FHL2: variants seen among roughly 807,000 people sequenced by gnomAD.
FHL2 encodes the protein four and a half LIM domains 2.
A neutral mutation model predicts 32.7 loss-of-function variants in FHL2; 20 were observed. That is an observed-to-expected ratio of 0.61 (90% CI 0.43 to 0.89). FHL2 has a LOEUF of 0.89. Ranked by LOEUF, FHL2 falls within the 40% of genes least tolerant of loss-of-function variation. The pLI, the probability that FHL2 is intolerant of heterozygous loss-of-function variation, is 0.00. For missense variants in FHL2, 311 were observed against 358.6 expected (o/e 0.87, Z 1.07); for synonymous variants, 123 against 128.1 (o/e 0.96, Z 0.27).
At chr2:105,399,753 A>G, upstream of FHL2, 1 of 865,002 alleles carries the variant, frequency 1.2e-6, no homozygotes, top group Non-Finnish European at 1.7e-6. Flanking sequence ...ACTGTTCAGC[A>G]TTGTCGCAGG....
chr2:105,421,209 G>A (rs1227113361), intron 1 of FHL2, among the ~76,000 whole-genome samples: 1 of 152,236 alleles, frequency 6.6e-6, no homozygotes, highest in Non-Finnish European at 1.5e-5. Context: ...TCTCTGGCTT[G>A]TAAGGACAGC....
intron 4 of FHL2, among the ~76,000 whole-genome samples, chr2:105,370,444 G>A (rs1320054369): frequency 6.6e-6 from 1 of 152,110 alleles, no homozygotes; most frequent in Non-Finnish European, 1.5e-5. Context: ...CGCTACTTGA[G>A]TCTGCTCAGA....
At chr2:105,435,407 CG>C (rs1431451804) in intron 1 of FHL2, among the ~76,000 whole-genome samples, 1 of 152,084 alleles carries the variant, frequency 6.6e-6, no homozygotes, top group African/African-American at 2.4e-5. Flanking sequence ...TGTGTTCATA[CG>C]AAACCGTGAA....
intron 2 of FHL2, among the ~76,000 whole-genome samples, chr2:105,396,187 G>C (rs1683118168): frequency 6.6e-6 from 1 of 152,164 alleles, no homozygotes; most frequent in African/African-American, 2.4e-5. Context: ...CAATGATTTA[G>C]CTCACACAAT....
chr2:105,376,414 A>G (rs2104546028), intron 3 of FHL2: 1 of 152,342 alleles, frequency 6.6e-6, no homozygotes, highest in Middle Eastern at 3.4e-3. Flanking sequence ...CATATTTTGT[A>G]CCTAAATGAA....
At chr2:105,361,569 G>C (rs1313764583) in intron 6 of FHL2, 135 bp from the exon 7 acceptor site, 2 of 703,984 alleles carry the variant, frequency 2.8e-6, no homozygotes, top group African/African-American at 3.6e-5. Context: ...CTAGTGACTG[G>C]GTGTTGGGAA....
chr2:105,426,394 CA>C (rs1280026435), intron 1 of FHL2, among the ~76,000 whole-genome samples: 1 of 152,146 alleles, frequency 6.6e-6, no homozygotes, highest in Non-Finnish European at 1.5e-5. Context: ...CAAAAGTAAC[CA>C]AAAGCAGAAT....
At chr2:105,433,474 G>A (rs773882580) in intron 1 of FHL2, among the ~76,000 whole-genome samples, 3 of 152,264 alleles carry the variant, frequency 2.0e-5, no homozygotes, top group African/African-American at 7.2e-5. Flanking sequence ...GAGCCACCGC[G>A]CCCGGCTTCA....
chr2:105,423,545 A>G (rs984140296), intron 1 of FHL2, among the ~76,000 whole-genome samples: 4 of 152,228 alleles, frequency 2.6e-5, no homozygotes, highest in Non-Finnish European at 5.9e-5. Flanking sequence ...ATATTTCTGT[A>G]GCAGGAAGAA....
rs115042467 is a variant in FHL2 at position 105,407,799 on chromosome 2, G to A, written c.-24-21259C>T. Reference sequence around the variant, plus strand: ...CTTCTCCTGCCCCAATCCTCCCCCCGCTGCCACCACCACCACCAGCCTAGG... The same window carrying A: ...CTTCTCCTGCCCCAATCCTCCCCCCACTGCCACCACCACCACCAGCCTAGG... On this transcript the variant is annotated intron_variant, in intron 1 of 5. Coordinates refer to the FHL2 transcript ENST00000393352. Among the ~76,000 whole-genome samples, 6 of 152,070 alleles carry A rather than the reference G, an allele frequency of 3.9e-5. No individual in the cohort carries two copies. In the South Asian group the frequency reaches 1.0e-3, roughly 26 times the overall value.
intron 4 of FHL2, among the ~76,000 whole-genome samples, chr2:105,371,277 C>T (rs1681042021): frequency 6.6e-6 from 1 of 152,092 alleles, no homozygotes; most frequent in Admixed American, 6.5e-5. Context: ...GCTTCGAGTG[C>T]AGCACGTTAC....
intron 5 of FHL2, 90 bp downstream of exon 5, chr2:105,367,480 A>G: frequency 7.6e-7 from 1 of 1,319,162 alleles, no homozygotes; most frequent in South Asian, 1.4e-5. Flanking sequence ...TATCACAGGT[A>G]TCCTTGGTTT....
upstream of FHL2, among the ~76,000 whole-genome samples, chr2:105,400,711 G>A (rs1295152907): frequency 1.5e-5 from 1 of 65,872 alleles, no homozygotes; most frequent in Non-Finnish European, 3.1e-5. Context: ...TTAGCTTTCT[G>A]ACTTACGGGT....
At chr2:105,358,994 G>C (rs567607877), downstream of FHL2, 13 of 152,266 alleles carry the variant, frequency 8.5e-5, 1 homozygote, top group East Asian at 1.9e-3. Context: ...CCCTGGCGGG[G>C]GCCTGCCATT....
At chr2:105,428,252 G>A (rs193073124) in intron 1 of FHL2, among the ~76,000 whole-genome samples, 2 of 152,302 alleles carry the variant, frequency 1.3e-5, no homozygotes, top group East Asian at 1.9e-4. Context: ...GTGTAAGGGC[G>A]GCCCGTGCCA....
At chr2:105,388,056 G>A (rs1682449548) in intron 2 of FHL2, among the ~76,000 whole-genome samples, 1 of 152,120 alleles carries the variant, frequency 6.6e-6, no homozygotes, top group South Asian at 2.1e-4. Flanking sequence ...GCTAAATGAG[G>A]GAACACATGA....
chr2:105,367,559 A>C lies in FHL2; in HGVS notation c.501+11T>G. 6.2e-7 allele frequency: 1 copy of C among 1,607,196 alleles called. No individual in the cohort carries two copies. Among genetic ancestry groups the C allele is most frequent in the South Asian group, 1.1e-5 (1 of 90,210 alleles). On this transcript the variant is annotated intron_variant, in intron 5 of 6. Transcript: ENST00000530340. ...CAGAACGTGCAAGGGCCAAGGGGGC[A>C]TCTGAGATACCTTTTTGCACTGAAC...
intron 5 of FHL2, among the ~76,000 whole-genome samples, 157 bp downstream of exon 5, chr2:105,367,413 G>T (rs535122258): frequency 1.1e-4 from 17 of 152,282 alleles, no homozygotes; most frequent in Admixed American, 8.5e-4. Flanking sequence ...ACCCAGACCC[G>T]ATGGATAAAT....
intron 1 of FHL2, among the ~76,000 whole-genome samples, chr2:105,429,182 CA>C (rs1684350077): frequency 6.6e-6 from 1 of 152,252 alleles, no homozygotes; most frequent in Non-Finnish European, 1.5e-5. Context: ...TAATAAACAC[CA>C]AAGACTTTGC....
Sources: allele counts gnomAD v4.1 joint callset (sites outside exome capture counted in the v4.1 genomes callset), GRCh38; gene constraint gnomAD v4.1.1; transcripts MANE v1.5; gene names NCBI Gene and HGNC (gene_info 2026-07-23, HGNC 2026-07-21).